Variants in DHCR24 observed in about 807,000 individuals in gnomAD.
The protein encoded by DHCR24 is 24-dehydrocholesterol reductase.
Under a neutral mutation model 61.2 loss-of-function variants are expected in DHCR24, and 28 were observed. The ratio of observed to expected loss-of-function variants is 0.46; its 90% CI spans 0.34 to 0.63. The LOEUF is 0.63. Ranked by LOEUF, DHCR24 falls within the 20% of genes least tolerant of loss-of-function variation. The pLI, the probability that DHCR24 is intolerant of heterozygous loss-of-function variation, is 0.01. For missense variants in DHCR24, 538 were observed against 679.1 expected (o/e 0.79, Z 2.31); for synonymous variants, 261 against 275.9 (o/e 0.95, Z 0.54).
Position 54,883,575 on chromosome 1 carries a change from G to C in DHCR24, c.387+43C>G. ...CTATGAGTCACTTGCACCAGGGGCA[G>C]TGCCCCACCTGCTCCCAGAGCCCGG... On this transcript the variant is annotated intron_variant, in intron 2 of 8. Coordinates refer to ENST00000371269, the MANE Select transcript of DHCR24 (RefSeq NM_014762.4). This position sits in a 1 kb window ranked among gnomAD's most constrained non-coding sequence, Gnocchi z 4.3. The C allele has an allele frequency of 4.3e-6, 7 of 1,612,178 alleles. No homozygotes were observed. Among genetic ancestry groups the C allele is most frequent in the Non-Finnish European group, 5.9e-6 (7 of 1,178,358 alleles).
intron 2 of DHCR24, among the ~76,000 whole-genome samples, chr1:54,880,616 T>G (rs1283823620): frequency 5.3e-5 from 8 of 151,200 alleles, no homozygotes; most frequent in Non-Finnish European, 8.8e-5. Flanking sequence ...AATACAAAAA[T>G]TAACCAGGTG....
intron 5 of DHCR24, among the ~76,000 whole-genome samples, chr1:54,870,404 G>A (rs1014253498): frequency 2.6e-5 from 4 of 152,114 alleles, no homozygotes; most frequent in Non-Finnish European, 4.4e-5. Context: ...TCCATACAGA[G>A]AAAGAGGAAA....
At chr1:54,864,628 G>A (rs1368266848) in intron 6 of DHCR24, among the ~76,000 whole-genome samples, 1 of 152,170 alleles carries the variant, frequency 6.6e-6, no homozygotes, top group East Asian at 1.9e-4. Flanking sequence ...GCACAACACT[G>A]TGAATGTACT....
chr1:54,862,379 C>G (rs1646943538), intron 6 of DHCR24, among the ~76,000 whole-genome samples: 1 of 152,196 alleles, frequency 6.6e-6, no homozygotes, highest in South Asian at 2.1e-4. Flanking sequence ...TGATGACATT[C>G]CTATGGCCAA....
rs1380672657 is a variant in DHCR24, at chr1:54,853,608, T to C, written c.1223A>G (p.Tyr408Cys). 1 of 1,612,940 alleles carries C rather than the reference T, an allele frequency of 6.2e-7. No homozygotes were observed. Residue 408 changes from tyrosine to cysteine, a missense_variant, in exon 8 of 9, where the codon TAC (tyrosine) becomes TGC (cysteine). Tyr to Cys is a radical substitution (Grantham distance 194). Transcript: ENST00000371269. ...GATGAACGGACACAGCCAGATGGGG[T>C]AGACCTGGGTAGACCAGGGAGGTGG... ...LHTFQNDIHV[Y>C]PIWLCPFILP...
chr1:54,877,122 A>G (rs588743), intron 2 of DHCR24, among the ~76,000 whole-genome samples: 3,575 of 151,976 alleles, frequency 0.024, 224 homozygotes, highest in East Asian at 0.095. Flanking sequence ...CTTTGAATAG[A>G]ATGCGGAAGC....
At position 54,851,948 on chromosome 1, in the gene DHCR24, A is replaced by G. The variant is rs570517209; in HGVS notation, c.*285T>C. On this transcript the variant is annotated 3_prime_UTR_variant, in exon 9 of 9. Coordinates refer to ENST00000371269, the MANE Select transcript of DHCR24 (RefSeq NM_014762.4). Reference sequence around the variant, plus strand: ...TATTACTATCCCTTTCAACTAATGAAGAGACCCGGGCTCAGAGGGGTTAAG... The same window carrying G: ...TATTACTATCCCTTTCAACTAATGAGGAGACCCGGGCTCAGAGGGGTTAAG... 1.2e-5 allele frequency: 6 copies of G among 488,290 alleles called. No individual in the cohort carries two copies. Among genetic ancestry groups the G allele is most frequent in the African/African-American group, 3.9e-5 (2 of 51,610 alleles). 30.2% of individuals were successfully genotyped at this position (488,290 alleles called of 1,614,324 possible).
intron 5 of DHCR24, among the ~76,000 whole-genome samples, chr1:54,867,335 C>G (rs1278360716): frequency 6.6e-6 from 1 of 152,190 alleles, no homozygotes. Context: ...TGTTTGGAAG[C>G]AATGCTTCTA....
chr1:54,875,257 C>T (rs1386340904), intron 3 of DHCR24, 46 bp from the exon 4 acceptor site: 3 of 1,591,070 alleles, frequency 1.9e-6, no homozygotes, highest in Non-Finnish European at 2.6e-6. Context: ...GCTGTGGGTA[C>T]AGGGTTGGGG....
intron 4 of DHCR24, among the ~76,000 whole-genome samples, chr1:54,872,155 C>T (rs1033319593): frequency 2.0e-5 from 3 of 152,184 alleles, no homozygotes; most frequent in Non-Finnish European, 2.9e-5. Flanking sequence ...AACTGAGTCT[C>T]TCAGAGCTGC....
intron 4 of DHCR24, among the ~76,000 whole-genome samples, chr1:54,871,838 G>T (rs1375257493): frequency 6.6e-6 from 1 of 152,156 alleles, no homozygotes; most frequent in Non-Finnish European, 1.5e-5. Context: ...GACCCTCACT[G>T]AGAGAGCATC....
At chr1:54,886,704 T>C in intron 1 of DHCR24, 185 bp downstream of exon 1, 1 of 1,464,822 alleles carries the variant, frequency 6.8e-7, no homozygotes. Context: ...GCACTTTGCC[T>C]GTTCTGTTCC....
rs371047758 is a variant in DHCR24, at chr1:54,875,893, G to A, written c.493+49C>T. 63 of 1,517,440 alleles carry A rather than the reference G, an allele frequency of 4.2e-5. 1 individual carries two copies. The South Asian group carries it at 4.2e-4, about 10-fold the overall frequency. The allele number at this position is 1,517,440 out of a possible 1,614,324, so 94.0% of individuals were successfully genotyped here. A position where few individuals can be genotyped will look rare whatever the true frequency, so the allele number is the denominator to read the frequency against. On this transcript the variant is annotated intron_variant, in intron 3 of 8. Transcript: ENST00000371269. ...AGGGTGGCCAAGGCCCATCAGCTCC[G>A]GTCCTAGGACCGTGTGTCTCTTCTT...
chr1:54,865,298 C>G lies in DHCR24; in HGVS notation c.1020+5G>C. 6.2e-7 allele frequency: 1 copy of G among 1,612,392 alleles called. No homozygotes were observed. The highest frequency in any genetic ancestry group is 8.5e-7 in the Non-Finnish European group (1 of 1,179,334). On this transcript the variant is annotated splice_donor_5th_base_variant and intron_variant, in intron 6 of 8. Coordinates refer to ENST00000371269, the MANE Select transcript of DHCR24 (RefSeq NM_014762.4). ...GAGCCAGGGCTACAGAAACCTAAGCCTCACCTGGAGCTCCCAGAAGATGCT... is the reference window on the plus strand; with the variant it reads ...GAGCCAGGGCTACAGAAACCTAAGCGTCACCTGGAGCTCCCAGAAGATGCT...
intron 5 of DHCR24, among the ~76,000 whole-genome samples, chr1:54,868,974 G>A (rs531965051): frequency 6.6e-6 from 1 of 152,288 alleles, no homozygotes; most frequent in East Asian, 1.9e-4. Flanking sequence ...GGCTGAGACA[G>A]GAGAATTGCT....
Position 54,883,826 on chromosome 1 carries a change from G to C in DHCR24, c.232-53C>G, listed in dbSNP as rs1041567097. ...GGCCCCACTGGGAATCCCCAGAGCA[G>C]CCTGCAGCCCTGCTTTCTTCAAGGG... is the stretch of plus-strand genomic sequence containing the variant. On this transcript the variant is annotated intron_variant, in intron 1 of 8. Coordinates refer to ENST00000371269, the MANE Select transcript of DHCR24 (RefSeq NM_014762.4). This position sits in a 1 kb window ranked among gnomAD's most constrained non-coding sequence, Gnocchi z 4.3. 4.1e-5 allele frequency: 66 copies of C among 1,611,044 alleles called. No individual in the cohort carries two copies. Among genetic ancestry groups the C allele is most frequent in the Non-Finnish European group, 5.3e-5 (62 of 1,179,130 alleles).
chr1:54,859,770 T>C (rs536703569), intron 6 of DHCR24, among the ~76,000 whole-genome samples: 15 of 152,354 alleles, frequency 9.8e-5, no homozygotes, highest in African/African-American at 3.6e-4. Flanking sequence ...GTTGGGAAGA[T>C]GAAGATAATG....
intron 2 of DHCR24, among the ~76,000 whole-genome samples, chr1:54,878,030 G>A (rs1647043882): frequency 6.6e-6 from 1 of 150,814 alleles, no homozygotes; most frequent in African/African-American, 2.4e-5. Context: ...AGAGGTGAGA[G>A]TTCCAGAAGA....
At chr1:54,857,284 C>T (rs1395370336) in intron 6 of DHCR24, among the ~76,000 whole-genome samples, 1 of 152,254 alleles carries the variant, frequency 6.6e-6, no homozygotes, top group East Asian at 1.9e-4. Context: ...TCCTTGCTCA[C>T]TGGCTGTAGG....
Sources: gnomAD v4.1 joint callset for allele counts (sites outside exome capture counted in the v4.1 genomes callset) on GRCh38, gnomAD v4.1.1 for gene constraint, Gnocchi (gnomAD v3.1) non-coding constraint, MANE v1.5 for transcripts, NCBI Gene and HGNC (gene_info 2026-07-23, HGNC 2026-07-21) for gene names.